HYDIN: variants seen among roughly 807,000 people sequenced by gnomAD.
The protein encoded by HYDIN is HYDIN axonemal central pair apparatus protein.
HYDIN carries 132 observed loss-of-function variants against 403.9 expected under a neutral mutation model. The observed-to-expected ratio is 0.33, with a 90% CI of 0.28 to 0.38. The LOEUF (loss-of-function observed/expected upper bound fraction) is 0.38. Among genes scored for constraint, HYDIN ranks in the 10% least tolerant of loss-of-function variants. The pLI is 1.00. For missense variants in HYDIN, 2,827 were observed against 5,009.5 expected (o/e 0.56, Z 13.15); for synonymous variants, 1,202 against 1,891.7 (o/e 0.64, Z 9.46).
chr16:70,850,252 C>A (rs892567034), intron 74 of HYDIN, among the ~76,000 whole-genome samples, 196 bp downstream of exon 74: 3 of 144,466 alleles, frequency 2.1e-5, no homozygotes, highest in Non-Finnish European at 2.9e-5. Flanking sequence ...CTCCACCCCC[C>A]CCTGAAAATA....
intron 58 of HYDIN, among the ~76,000 whole-genome samples, chr16:70,886,087 T>C (rs1323067593): frequency 2.0e-5 from 3 of 149,788 alleles, no homozygotes; most frequent in Non-Finnish European, 4.4e-5. Flanking sequence ...TTTAAACCAC[T>C]AATGTTGGAT....
chr16:71,044,005 A>C (rs12051320), intron 18 of HYDIN, among the ~76,000 whole-genome samples: 1 of 152,134 alleles, frequency 6.6e-6, no homozygotes, highest in East Asian at 1.9e-4. Context: ...AGAGAGAAAG[A>C]AAGAAAGCAA....
chr16:71,020,128 C>T (rs750699879), intron 22 of HYDIN, 46 bp downstream of exon 22: 170 of 1,598,114 alleles, frequency 1.1e-4, no homozygotes, highest in Middle Eastern at 3.4e-4. Context: ...TATCACACCC[C>T]GCCCCACCCC....
intron 23 of HYDIN, among the ~76,000 whole-genome samples, chr16:70,997,086 A>C (rs1244793947): frequency 6.6e-6 from 1 of 151,708 alleles, no homozygotes; most frequent in African/African-American, 2.4e-5. Flanking sequence ...AGGAGCATGC[A>C]ACCAGGATCC....
chr16:71,204,229 C>G (rs1453823414), intron 1 of HYDIN, among the ~76,000 whole-genome samples: 1 of 152,178 alleles, frequency 6.6e-6, no homozygotes, highest in Admixed American at 6.5e-5. Context: ...TGTTTGTTAA[C>G]CAAATTCTGA....
intron 47 of HYDIN, among the ~76,000 whole-genome samples, chr16:70,917,984 T>C (rs912864646): frequency 1.3e-5 from 2 of 151,880 alleles, no homozygotes; most frequent in African/African-American, 4.8e-5. Flanking sequence ...AATCAATCAT[T>C]ATCCGTTTCC....
intron 28 of HYDIN, among the ~76,000 whole-genome samples, chr16:70,982,166 T>A (rs563250457): frequency 1.3e-4 from 19 of 150,712 alleles, no homozygotes; most frequent in Non-Finnish European, 2.1e-4. Context: ...AAATCGTTCA[T>A]AAATATATAG....
Position 71,229,124 on chromosome 16 carries a change from G to C in HYDIN, c.-24+1438C>G, listed in dbSNP as rs113580987. ...CGAACAATGAGAACACTTGGACACA[G>C]GAAGGGGAACATCACACACCGGGGC... On this transcript the variant is annotated intron_variant, in intron 1 of 85. Coordinates refer to ENST00000393567, the MANE Select transcript of HYDIN (RefSeq NM_001270974.2). Among the ~76,000 whole-genome samples, 9 of 139,320 alleles carry C rather than the reference G, an allele frequency of 6.5e-5. 1 individual carries two copies. The highest frequency in any genetic ancestry group is 2.4e-4 in the African/African-American group (9 of 37,952). The allele number at this position is 139,320 out of a possible 152,430, so 91.4% of individuals were successfully genotyped here. A position where few individuals can be genotyped will look rare whatever the true frequency, so the allele number is the denominator to read the frequency against.
chr16:71,002,519 T>G (rs1597509865), intron 23 of HYDIN, among the ~76,000 whole-genome samples: 1 of 151,178 alleles, frequency 6.6e-6, no homozygotes, highest in East Asian at 2.0e-4. Flanking sequence ...GTCACCACAT[T>G]CCAGCCTGGA....
chr16:71,023,070 T>A (rs2080556615), intron 21 of HYDIN, among the ~76,000 whole-genome samples: 1 of 152,224 alleles, frequency 6.6e-6, no homozygotes, highest in South Asian at 2.1e-4. Flanking sequence ...CTCCCAGTAA[T>A]GGCATTCAGG....
chr16:70,817,501 A>C (rs1365967197), intron 84 of HYDIN: 1 of 152,262 alleles, frequency 6.6e-6, no homozygotes, highest in East Asian at 1.9e-4. Flanking sequence ...TGAAGGTGGA[A>C]AAACAGAAGA....
chr16:70,871,378 G>T (rs961100520), intron 65 of HYDIN, among the ~76,000 whole-genome samples: 5 of 152,176 alleles, frequency 3.3e-5, no homozygotes, highest in African/African-American at 1.2e-4. Flanking sequence ...ACTGGGGTGT[G>T]CCAGTGCTCT....
Position 70,985,586 on chromosome 16 carries a change from A to G in HYDIN, c.4195-264T>C, listed in dbSNP as rs1251363095. Reference sequence around the variant, plus strand: ...TCCTGGGTCTCAGTTTTTTCACTACAGGAACTTGTAATAGAGAATCTTAAA... The same window carrying G: ...TCCTGGGTCTCAGTTTTTTCACTACGGGAACTTGTAATAGAGAATCTTAAA... On this transcript the variant is annotated intron_variant, in intron 27 of 85. Coordinates refer to ENST00000393567, the MANE Select transcript of HYDIN (RefSeq NM_001270974.2). Among the ~76,000 whole-genome samples the G allele has an allele frequency of 2.0e-5, 3 of 151,910 alleles. No individual in the cohort carries two copies. The East Asian group carries it at 5.8e-4, about 30-fold the overall frequency.
intron 5 of HYDIN, among the ~76,000 whole-genome samples, chr16:71,171,268 T>G (rs866041168): frequency 2.0e-5 from 3 of 152,218 alleles, no homozygotes; most frequent in Non-Finnish European, 4.4e-5. Flanking sequence ...AGCCCAAATG[T>G]CACCTCAACA....
rs566041530 is a variant in HYDIN at position 70,991,499 on chromosome 16, C to T, written c.3786-103G>A. The T allele has an allele frequency of 4.7e-4, 714 of 1,531,830 alleles. 1 individual carries two copies. The highest frequency in any genetic ancestry group is 2.8e-3 in the Middle Eastern group (16 of 5,812). 94.9% of individuals were successfully genotyped at this position (1,531,830 alleles called of 1,614,324 possible). ...GTCTTCCTCTTCTCCCTCTACCACA[C>T]CCCCAAACGTAAGGGGGATTCTCAA... On this transcript the variant is annotated intron_variant, in intron 24 of 85. Transcript: ENST00000393567.
rs1422029630 is a variant in HYDIN, at chr16:70,850,562, T to A, written c.12537A>T (p.Thr4179=). 1.9e-6 allele frequency: 3 copies of A among 1,613,578 alleles called. No individual in the cohort carries two copies. Among genetic ancestry groups the A allele is most frequent in the Non-Finnish European group, 2.5e-6 (3 of 1,179,848 alleles). Residue 4179 remains threonine, a synonymous_variant, in exon 74 of 86, where the codon ACA becomes ACT. Transcript: ENST00000393567. ...TGTAGCCCTCGGCCTTGACATTTAATGTCACAGGGTGGACTTTCTTTTCCA... is the reference window on the plus strand; with the variant it reads ...TGTAGCCCTCGGCCTTGACATTTAAAGTCACAGGGTGGACTTTCTTTTCCA... ...CNVEKKVHPV[T]LNVKAEGYTM...
chr16:71,181,271 A>C (rs527341013), intron 3 of HYDIN, among the ~76,000 whole-genome samples: 95 of 151,876 alleles, frequency 6.3e-4, no homozygotes, highest in Non-Finnish European at 9.9e-4. Flanking sequence ...GCAAAGGACC[A>C]AGAATAGACA....
rs535633070 is a variant in HYDIN, at chr16:70,949,321, G to C, written c.6531+3100C>G. 6.0e-5 allele frequency among the ~76,000 whole-genome samples: 7 copies of C among 116,546 alleles called. No homozygotes were observed. In the Admixed American group the frequency reaches 7.0e-4, roughly 12 times the overall value. The allele number at this position is 116,546 out of a possible 152,430, so 76.5% of individuals were successfully genotyped here. ...TGGGGACTGTTGTGGGGTGGGGGGA[G>C]GGGGGAGGGATAGCACTGGGAGATA... is the stretch of plus-strand genomic sequence containing the variant. On this transcript the variant is annotated intron_variant, in intron 41 of 85. Coordinates refer to ENST00000393567, the MANE Select transcript of HYDIN (RefSeq NM_001270974.2).
At chr16:70,824,076 G>C (rs2036431307) in intron 83 of HYDIN, among the ~76,000 whole-genome samples, 2 of 151,794 alleles carry the variant, frequency 1.3e-5, no homozygotes, top group Non-Finnish European at 2.9e-5. Context: ...TTTTTATAGT[G>C]GGAGGAGTAT....
Sources: gnomAD v4.1 joint callset for allele counts (sites outside exome capture counted in the v4.1 genomes callset) on GRCh38, gnomAD v4.1.1 for gene constraint, MANE v1.5 for transcripts, NCBI Gene and HGNC (gene_info 2026-07-23, HGNC 2026-07-21) for gene names.